EPB41L3: variants seen among roughly 807,000 people sequenced by gnomAD.
The protein encoded by EPB41L3 is erythrocyte membrane protein band 4.1 like 3.
A neutral mutation model predicts 127.1 loss-of-function variants in EPB41L3; 57 were observed. That is an observed-to-expected ratio of 0.45 (90% CI 0.36 to 0.56). The LOEUF (loss-of-function observed/expected upper bound fraction) is 0.56. Among genes scored for constraint, EPB41L3 ranks in the 20% least tolerant of loss-of-function variants. The probability of loss-of-function intolerance (pLI) is 0.00; values close to 1 mark genes in which losing one functional copy is unlikely to be tolerated. For synonymous variants in EPB41L3, 572 were observed against 549.5 expected, an observed-to-expected ratio of 1.04 and a Z score of -0.57; for missense variants, 1,273 against 1,372.2, an observed-to-expected ratio of 0.93 and a Z score of 1.14.
chr18:5,600,592 A>G (rs1490386209), intron 3 of EPB41L3, among the ~76,000 whole-genome samples: 1 of 152,140 alleles, frequency 6.6e-6, no homozygotes, highest in African/African-American at 2.4e-5. Flanking sequence ...CCCTTGTCCA[A>G]GATTGGGAGA....
chr18:5,501,910 G>A (rs1302512704), intron 1 of EPB41L3, among the ~76,000 whole-genome samples: 1 of 152,210 alleles, frequency 6.6e-6, no homozygotes, highest in Non-Finnish European at 1.5e-5. Context: ...GTGCTGATGA[G>A]AGGATTCCTT....
At chr18:5,525,245 G>A (rs2148863480) in intron 1 of EPB41L3, among the ~76,000 whole-genome samples, 1 of 152,236 alleles carries the variant, frequency 6.6e-6, no homozygotes, top group East Asian at 1.9e-4. Flanking sequence ...GGTCAGTGTG[G>A]TGCCCAGACA....
intron 3 of EPB41L3, among the ~76,000 whole-genome samples, chr18:5,574,654 T>C (rs924414116): frequency 6.6e-6 from 1 of 152,160 alleles, no homozygotes; most frequent in African/African-American, 2.4e-5. Context: ...GCTCTGCCTA[T>C]GTGACCTGCT....
At chr18:5,453,090 G>T (rs1480991865) in intron 3 of EPB41L3, among the ~76,000 whole-genome samples, 1 of 152,154 alleles carries the variant, frequency 6.6e-6, no homozygotes, top group African/African-American at 2.4e-5. Context: ...CTCTTAGTCT[G>T]TGCCCAAGAC....
At chr18:5,419,586 A>C in intron 12 of EPB41L3, 125 bp downstream of exon 12, 1 of 1,296,924 alleles carries the variant, frequency 7.7e-7, no homozygotes, top group South Asian at 1.4e-5. Flanking sequence ...TTGACATATG[A>C]ATGTGACCAG....
intron 3 of EPB41L3, among the ~76,000 whole-genome samples, chr18:5,557,373 CT>C (rs1351782742): frequency 2.0e-5 from 3 of 151,314 alleles, no homozygotes; most frequent in Non-Finnish European, 4.4e-5. Context: ...GCTCAAAACA[CT>C]TGTTTTTTTG....
chr18:5,430,783 C>T (rs1226732616), intron 8 of EPB41L3, among the ~76,000 whole-genome samples: 2 of 151,160 alleles, frequency 1.3e-5, no homozygotes, highest in African/African-American at 4.9e-5. Context: ...TATCAGGTCT[C>T]GAACACCTGG....
At chr18:5,401,126 T>C (rs1032597741) in intron 16 of EPB41L3, 2 of 714,610 alleles carry the variant, frequency 2.8e-6, no homozygotes, top group Non-Finnish European at 4.8e-6. Context: ...GTTCTTTCAT[T>C]GTATTATCTC....
chr18:5,428,495 C>G (rs1199360370), intron 8 of EPB41L3, 30 bp from the exon 9 acceptor site: 1 of 1,609,334 alleles, frequency 6.2e-7, no homozygotes, highest in Non-Finnish European at 8.5e-7. Context: ...AACAACAGAT[C>G]AGTATCTAAC....
At chr18:5,538,523 A>G (rs921814223) in intron 1 of EPB41L3, among the ~76,000 whole-genome samples, 6 of 152,258 alleles carry the variant, frequency 3.9e-5, no homozygotes, top group African/African-American at 1.4e-4. Context: ...ATCAAATACA[A>G]AGAAACTCGC....
chr18:5,447,590 C>T (rs1055364731), intron 3 of EPB41L3, among the ~76,000 whole-genome samples: 1 of 151,872 alleles, frequency 6.6e-6, no homozygotes, highest in Non-Finnish European at 1.5e-5. Flanking sequence ...CAAGGCTTCA[C>T]TGGACCCTAT....
At chr18:5,407,658 T>C (rs781131712) in intron 15 of EPB41L3, 43 bp downstream of exon 15, 1 of 1,595,996 alleles carries the variant, frequency 6.3e-7, no homozygotes, top group South Asian at 1.1e-5. Flanking sequence ...CACACACTGT[T>C]GTTTTGTTGT....
At chr18:5,455,294 GAA>G (rs144449478) in intron 3 of EPB41L3, among the ~76,000 whole-genome samples, 2 of 146,128 alleles carry the variant, frequency 1.4e-5, no homozygotes, top group African/African-American at 2.5e-5. Flanking sequence ...TTACTCTTAC[GAA>G]AAAAAAAAAT....
intron 5 of EPB41L3, among the ~76,000 whole-genome samples, chr18:5,442,749 G>T (rs1374798642): frequency 6.6e-6 from 1 of 152,130 alleles, no homozygotes; most frequent in African/African-American, 2.4e-5. Flanking sequence ...CATGTTTGCG[G>T]CAAAAGTAAG....
chr18:5,496,789 C>T (rs762742817), intron 1 of EPB41L3, among the ~76,000 whole-genome samples: 1 of 152,200 alleles, frequency 6.6e-6, no homozygotes, highest in Non-Finnish European at 1.5e-5. Context: ...TACATCATTG[C>T]TTCATTCATT....
intron 12 of EPB41L3, 149 bp downstream of exon 12, chr18:5,419,562 T>A (rs993138011): frequency 8.5e-7 from 1 of 1,171,290 alleles, no homozygotes; most frequent in Non-Finnish European, 1.2e-6. Flanking sequence ...GAAACAGCAA[T>A]CATAATTTAA....
chr18:5,512,427 T>C (rs897564761), intron 1 of EPB41L3, among the ~76,000 whole-genome samples: 2 of 151,952 alleles, frequency 1.3e-5, no homozygotes, highest in Non-Finnish European at 2.9e-5. Context: ...TGGGGGCTGG[T>C]GATGGTAAGA....
chr18:5,555,181 A>T (rs1306799678), intron 3 of EPB41L3, among the ~76,000 whole-genome samples: 4 of 152,168 alleles, frequency 2.6e-5, no homozygotes, highest in African/African-American at 9.7e-5. Flanking sequence ...TCGCCAGGTC[A>T]TTCCTTCATC....
intron 1 of EPB41L3, among the ~76,000 whole-genome samples, chr18:5,503,279 G>A (rs150241794): frequency 3.0e-4 from 45 of 152,072 alleles, no homozygotes; most frequent in Non-Finnish European, 4.0e-4. Flanking sequence ...CTACATTAAC[G>A]TAACTGGATG....
Sources: gnomAD v4.1 joint callset for allele counts (sites outside exome capture counted in the v4.1 genomes callset) on GRCh38, gnomAD v4.1.1 for gene constraint, MANE v1.5 for transcripts, NCBI Gene and HGNC (gene_info 2026-07-23, HGNC 2026-07-21) for gene names.